The following ROBO2 variants were observed in gnomAD, a reference collection of about 807,000 sequenced individuals.
ROBO2 encodes the protein roundabout homolog 2.
In ROBO2, 53 loss-of-function variants were observed where a neutral mutation model predicts 160.8. That is an observed-to-expected ratio of 0.33 (90% CI 0.26 to 0.41). The LOEUF (loss-of-function observed/expected upper bound fraction) is 0.41, where lower values mean the gene tolerates loss of function less well. Among genes scored for constraint, ROBO2 ranks in the 10% least tolerant of loss-of-function variants. The pLI, the probability that ROBO2 is intolerant of heterozygous loss-of-function variation, is 1.00. For synonymous variants in ROBO2, 664 were observed against 611.7 expected (o/e 1.09, Z -1.26); for missense variants, 1,577 against 1,722.4 (o/e 0.92, Z 1.49).
At chr3:76,330,150 C>G (rs1232602416) in intron 2 of ROBO2, among the ~76,000 whole-genome samples, 1 of 152,102 alleles carries the variant, frequency 6.6e-6, no homozygotes, top group Non-Finnish European at 1.5e-5. Context: ...AGTAGGTTTT[C>G]TATATACTCA....
chr3:76,695,462 G>A (rs1344396748), intron 2 of ROBO2, among the ~76,000 whole-genome samples: 6 of 151,994 alleles, frequency 3.9e-5, no homozygotes, highest in African/African-American at 9.7e-5. Flanking sequence ...CTTGACAATG[G>A]TGTACTGTTA....
intron 2 of ROBO2, among the ~76,000 whole-genome samples, chr3:76,086,600 A>C (rs1023310811): frequency 1.3e-5 from 2 of 152,294 alleles, no homozygotes; most frequent in Admixed American, 1.3e-4. Context: ...TATTTACTGC[A>C]GTTCTGTTTA....
chr3:76,814,296 G>A lies in ROBO2; in HGVS notation c.110-283718G>A, dbSNP rs563540335. 2.6e-5 allele frequency among the ~76,000 whole-genome samples: 4 copies of A among 152,190 alleles called. No homozygotes were observed. The South Asian group carries it at 8.3e-4, about 32-fold the overall frequency. On this transcript the variant is annotated intron_variant, in intron 2 of 26. Coordinates refer to the ROBO2 transcript ENST00000487694. Reference sequence around the variant, plus strand: ...CTAATATTGTGTCCAGAGATGGTGCGAGAAAGAATGGCAGAGGTAAGTGAA... The same window carrying A: ...CTAATATTGTGTCCAGAGATGGTGCAAGAAAGAATGGCAGAGGTAAGTGAA...
intron 13 of ROBO2, among the ~76,000 whole-genome samples, chr3:77,573,589 A>T (rs913643903): frequency 6.6e-6 from 1 of 152,066 alleles, no homozygotes; most frequent in East Asian, 1.9e-4. Flanking sequence ...GGTAATGGGC[A>T]TAAACGTTCA....
At chr3:77,602,322 C>A in exon 20 of ROBO2, 1 of 1,614,140 alleles carries the variant, frequency 6.2e-7, no homozygotes, top group Non-Finnish European at 8.5e-7. Context: ...ACAGTTCCAG[C>A]CAAATAACAC....
chr3:76,640,741 CA>C (rs2090632098), intron 2 of ROBO2, among the ~76,000 whole-genome samples: 1 of 151,614 alleles, frequency 6.6e-6, no homozygotes, highest in Non-Finnish European at 1.5e-5. Context: ...TAAAAGGAAC[CA>C]GGGTTTCTTG....
chr3:76,887,436 C>A (rs561779245), intron 2 of ROBO2, among the ~76,000 whole-genome samples: 2 of 150,992 alleles, frequency 1.3e-5, no homozygotes, highest in South Asian at 4.2e-4. Flanking sequence ...AGTTGAAAAC[C>A]CTTTTTCAGA....
chr3:76,329,182 G>T (rs1486297222), intron 2 of ROBO2, among the ~76,000 whole-genome samples: 1 of 152,004 alleles, frequency 6.6e-6, no homozygotes, highest in African/African-American at 2.4e-5. Flanking sequence ...GTCAGGCGGC[G>T]CTACTCCTGC....
intron 2 of ROBO2, among the ~76,000 whole-genome samples, chr3:77,200,586 G>A (rs9812479): frequency 0.14 from 21,139 of 151,652 alleles, 1,785 homozygotes; most frequent in Middle Eastern, 0.22. Context: ...GCATAAAGAC[G>A]ATGCTCCTAG....
At chr3:77,179,930 C>T (rs569172490) in intron 2 of ROBO2, among the ~76,000 whole-genome samples, 39 of 152,176 alleles carry the variant, frequency 2.6e-4, no homozygotes, top group African/African-American at 9.4e-4. Context: ...GGAAAACTGA[C>T]AGCAGCAGTT....
At chr3:77,238,928 G>C (rs1357006820) in intron 2 of ROBO2, among the ~76,000 whole-genome samples, 1 of 152,102 alleles carries the variant, frequency 6.6e-6, no homozygotes, top group East Asian at 1.9e-4. Flanking sequence ...ATTTCCTTGT[G>C]TCTCTAAGGA....
chr3:76,234,414 G>A (rs949830550), intron 2 of ROBO2, among the ~76,000 whole-genome samples: 1 of 152,044 alleles, frequency 6.6e-6, no homozygotes, highest in African/African-American at 2.4e-5. Context: ...TTATTGGGTT[G>A]GTGCAATAGT....
intron 2 of ROBO2, among the ~76,000 whole-genome samples, chr3:77,022,746 A>G (rs957487562): frequency 2.0e-5 from 3 of 152,210 alleles, no homozygotes; most frequent in Non-Finnish European, 4.4e-5. Flanking sequence ...TTCTGTTCCT[A>G]AAATGACATG....
chr3:76,404,229 A>G (rs989597229), intron 2 of ROBO2, among the ~76,000 whole-genome samples: 3 of 151,624 alleles, frequency 2.0e-5, no homozygotes, highest in Non-Finnish European at 3.0e-5. Context: ...CATAGAATCA[A>G]ATTTATTAAG....
chr3:76,083,023 A>C (rs2068885463), intron 2 of ROBO2, among the ~76,000 whole-genome samples: 1 of 152,132 alleles, frequency 6.6e-6, no homozygotes, highest in Non-Finnish European at 1.5e-5. Context: ...AAAGATTAAA[A>C]GAGGAGGCGC....
chr3:76,988,328 G>T (rs2060493986), intron 2 of ROBO2, among the ~76,000 whole-genome samples: 1 of 152,110 alleles, frequency 6.6e-6, no homozygotes, highest in African/African-American at 2.4e-5. Context: ...CTTTGGTCAG[G>T]TCTCCACCAC....
rs190984206 is a variant in ROBO2 at position 75,965,067 on chromosome 3, G to C, written c.109+27465G>C. 3.2e-3 allele frequency: 489 copies of C among 151,552 alleles called. 5 individuals are homozygous for C. Among genetic ancestry groups the C allele is most frequent in the African/African-American group, 0.011 (476 of 41,412 alleles). 9.4% of individuals were successfully genotyped at this position (151,552 alleles called of 1,614,324 possible). On this transcript the variant is annotated intron_variant, in intron 2 of 26. Transcript: ENST00000487694. Reference sequence around the variant, plus strand: ...TTGGAACACCACTACATTTGGACTAGCCTGCTAATTTATTTTTCATCTACA... The same window carrying C: ...TTGGAACACCACTACATTTGGACTACCCTGCTAATTTATTTTTCATCTACA...
At chr3:76,139,713 A>G (rs1489240328) in intron 2 of ROBO2, among the ~76,000 whole-genome samples, 2 of 152,090 alleles carry the variant, frequency 1.3e-5, no homozygotes, top group African/African-American at 4.8e-5. Flanking sequence ...TGAAATATAT[A>G]GTTATAAAAA....
rs71104642 is a variant in ROBO2, at chr3:76,948,874, TTATATATATATATATATA to T, written c.110-149122_110-149105del. ...TGCCCGCCACCACACCCGGCTAATT[TTATATATATATATATATA>T]TATATATATATATATATTTTTTTTT... On this transcript the variant is annotated intron_variant, in intron 2 of 26. Coordinates refer to the ROBO2 transcript ENST00000487694. Among the ~76,000 whole-genome samples, 10 of 48,616 alleles carry T rather than the reference TTATATATATATATATATA, an allele frequency of 2.1e-4. 1 individual carries two copies. The highest frequency in any genetic ancestry group is 8.6e-4 in the African/African-American group (8 of 9,328). 31.9% of individuals were successfully genotyped at this position (48,616 alleles called of 152,430 possible). A position where few individuals can be genotyped will look rare whatever the true frequency, so the allele number is the denominator to read the frequency against.
Sources: gnomAD v4.1 joint callset for allele counts (sites outside exome capture counted in the v4.1 genomes callset) on GRCh38, gnomAD v4.1.1 for gene constraint, MANE v1.5 for transcripts, NCBI Gene and HGNC (gene_info 2026-07-23, HGNC 2026-07-21) for gene names.